The following RAB9B variants were observed in gnomAD, a reference collection of about 807,000 sequenced individuals.
The protein encoded by RAB9B is ras-related protein Rab-9B.
RAB9B carries 1 observed loss-of-function variant against 8.9 expected under a neutral mutation model. The observed-to-expected ratio is 0.11, with a 90% CI of 0.04 to 0.53. The LOEUF is 0.53. Ranked by LOEUF, RAB9B falls within the 20% of genes least tolerant of loss-of-function variation. The probability of loss-of-function intolerance (pLI) is 0.93; values close to 1 mark genes in which losing one functional copy is unlikely to be tolerated. For missense variants in RAB9B, 82 were observed against 152.9 expected (o/e 0.54, Z 2.45); for synonymous variants, 63 against 57.0 (o/e 1.10, Z -0.47).
At chrX:103,786,595 A>G in the RAB9B span, 1 of 1,211,490 alleles carries the variant, frequency 8.3e-7, no homozygotes, top group South Asian at 1.8e-5. Context: ...CAAGACCACC[A>G]TCTGCGGCAA....
chrX:103,780,483 G>T, the RAB9B span, among the ~76,000 whole-genome samples: 3 of 109,047 alleles, frequency 2.8e-5, no homozygotes, highest in African/African-American at 1.0e-4. Context: ...GTCTGAAGAG[G>T]AGTGGGGAGT....
intron 2 of RAB9B, among the ~76,000 whole-genome samples, chrX:103,826,642 C>A (rs753871908): frequency 2.7e-5 from 3 of 112,176 alleles, no homozygotes; most frequent in Non-Finnish European, 5.6e-5. Context: ...ACACATGGAA[C>A]ACCTAGAATG....
chrX:103,819,222 A>T (rs1326505337), downstream of RAB9B, among the ~76,000 whole-genome samples: 2 of 111,911 alleles, frequency 1.8e-5, no homozygotes, highest in Non-Finnish European at 3.8e-5. Flanking sequence ...AGCATTTCCC[A>T]ATTCTTTTTA....
chrX:103,799,045 C>G, the RAB9B span, among the ~76,000 whole-genome samples: 5 of 107,278 alleles, frequency 4.7e-5, no homozygotes, highest in Non-Finnish European at 7.7e-5. Context: ...TAATTTTATA[C>G]TTTTAAGTGT....
chrX:103,785,819 T>C, the RAB9B span: 3 of 1,048,459 alleles, frequency 2.9e-6, no homozygotes, highest in Non-Finnish European at 4.0e-6. Flanking sequence ...CCTCTCTCCA[T>C]CCTGGAGATA....
chrX:103,807,138 A>G, the RAB9B span, among the ~76,000 whole-genome samples: 1 of 112,042 alleles, frequency 8.9e-6, no homozygotes, highest in Non-Finnish European at 1.9e-5. Context: ...AAAACGAGAT[A>G]TTTTAAGAGA....
the RAB9B span, among the ~76,000 whole-genome samples, chrX:103,809,596 G>T: frequency 2.6e-4 from 29 of 111,921 alleles, no homozygotes; most frequent in African/African-American, 7.1e-4. Context: ...CACCATGCTC[G>T]GCTTAATTTC....
chrX:103,802,636 T>C, the RAB9B span, among the ~76,000 whole-genome samples: 2 of 112,109 alleles, frequency 1.8e-5, no homozygotes, highest in African/African-American at 6.5e-5. Flanking sequence ...CAGTGTATGA[T>C]AGGTTACTTT....
chrX:103,809,073 T>A, the RAB9B span, among the ~76,000 whole-genome samples: 1 of 111,784 alleles, frequency 8.9e-6, no homozygotes, highest in Non-Finnish European at 1.9e-5. Context: ...GGTAATTAGG[T>A]TTAGATGAGG....
chrX:103,788,018 T>C, the RAB9B span: 1 of 990,351 alleles, frequency 1.0e-6, no homozygotes, highest in African/African-American at 1.9e-5. Context: ...GGAAGCACTA[T>C]ATATTTGGTT....
the RAB9B span, among the ~76,000 whole-genome samples, chrX:103,801,536 C>A: frequency 8.9e-6 from 1 of 111,905 alleles, no homozygotes. Flanking sequence ...CTAACAATGG[C>A]AAACAATATG....
At chrX:103,815,875 C>A in the RAB9B span, among the ~76,000 whole-genome samples, 3 of 111,445 alleles carry the variant, frequency 2.7e-5, no homozygotes, top group Non-Finnish European at 5.7e-5. Context: ...ACAACTTACA[C>A]AGGATGTGAA....
chrX:103,785,532 A>C, the RAB9B span: 2 of 1,083,536 alleles, frequency 1.8e-6, no homozygotes, highest in Non-Finnish European at 2.6e-6. Flanking sequence ...TTTGAGTGGC[A>C]TGAGCTACCT....
chrX:103,802,453 A>C, the RAB9B span, among the ~76,000 whole-genome samples: 1 of 111,674 alleles, frequency 9.0e-6, no homozygotes, highest in Non-Finnish European at 1.9e-5. Flanking sequence ...TTCTAGTTGG[A>C]TACATAGAGT....
chrX:103,814,528 C>T, the RAB9B span, among the ~76,000 whole-genome samples: 2 of 110,837 alleles, frequency 1.8e-5, no homozygotes, highest in Non-Finnish European at 3.8e-5. Context: ...ATTTAAAGAA[C>T]TAGAAAAGGA....
the RAB9B span, among the ~76,000 whole-genome samples, chrX:103,804,849 G>A: frequency 4.5e-5 from 5 of 111,074 alleles, no homozygotes; most frequent in African/African-American, 1.6e-4. Flanking sequence ...ACTGATTTTT[G>A]TGTGTTGATC....
chrX:103,789,318 T>C, the RAB9B span: 11 of 1,182,897 alleles, frequency 9.3e-6, no homozygotes, highest in Non-Finnish European at 1.2e-5. Context: ...TTCTTCCTCT[T>C]TCATTTTCCT....
the RAB9B span, among the ~76,000 whole-genome samples, chrX:103,803,639 C>G: frequency 8.9e-6 from 1 of 112,790 alleles, no homozygotes; most frequent in Non-Finnish European, 1.9e-5. Context: ...AGTGCAGTGG[C>G]ATGATCTCAG....
downstream of RAB9B, among the ~76,000 whole-genome samples, chrX:103,819,637 T>G (rs1202569525): frequency 8.9e-6 from 1 of 111,945 alleles, no homozygotes; most frequent in Admixed American, 9.5e-5. Flanking sequence ...TAAGAGATCC[T>G]TGCTCACCAG....
Sources: gnomAD v4.1 joint callset for allele counts (sites outside exome capture counted in the v4.1 genomes callset) on GRCh38, gnomAD v4.1.1 for gene constraint, MANE v1.5 for transcripts, NCBI Gene and HGNC (gene_info 2026-07-23, HGNC 2026-07-21) for gene names.